The following KCNQ5 variants were observed in gnomAD, a reference collection of about 807,000 sequenced individuals.
KCNQ5 encodes potassium voltage-gated channel subfamily Q member 5.
A neutral mutation model predicts 98.2 loss-of-function variants in KCNQ5; 30 were observed. That is an observed-to-expected ratio of 0.31 (90% CI 0.23 to 0.41). The LOEUF (loss-of-function observed/expected upper bound fraction) is 0.41. KCNQ5 is among the 10% of genes least tolerant of loss of function. KCNQ5 has a pLI of 1.00. For missense variants in KCNQ5, 835 were observed against 1,182.5 expected (o/e 0.71, Z 4.31); for synonymous variants, 458 against 449.4 (o/e 1.02, Z -0.24).
At chr6:72,792,667 C>T (rs1016458421) in intron 1 of KCNQ5, among the ~76,000 whole-genome samples, 9 of 152,124 alleles carry the variant, frequency 5.9e-5, no homozygotes, top group Non-Finnish European at 4.4e-5. Context: ...GTATAATAAC[C>T]AGGAAAGCGT....
chr6:72,837,515 T>A (rs989860038), intron 1 of KCNQ5, among the ~76,000 whole-genome samples: 4 of 152,202 alleles, frequency 2.6e-5, no homozygotes, highest in Non-Finnish European at 4.4e-5. Flanking sequence ...TTGTGAATAT[T>A]GACCTTTCAG....
chr6:72,952,895 A>G (rs1442958736), intron 1 of KCNQ5, among the ~76,000 whole-genome samples: 1 of 152,230 alleles, frequency 6.6e-6, no homozygotes, highest in Admixed American at 6.5e-5. Context: ...ACTTAAAAGT[A>G]ATAAACTCAT....
At chr6:73,134,078 C>A in intron 10 of KCNQ5, 1 of 447,202 alleles carries the variant, frequency 2.2e-6, no homozygotes, top group Non-Finnish European at 4.6e-6. Context: ...AATGAAGGTG[C>A]TCTTTCCCTC....
intron 1 of KCNQ5, among the ~76,000 whole-genome samples, chr6:72,715,897 T>C (rs987852653): frequency 6.6e-6 from 1 of 152,176 alleles, no homozygotes; most frequent in Non-Finnish European, 1.5e-5. Flanking sequence ...GTTATGTATA[T>C]CAAAATTCAA....
intron 10 of KCNQ5, among the ~76,000 whole-genome samples, chr6:73,153,904 T>TAAAA (rs3068405): frequency 5.4e-5 from 8 of 147,618 alleles, no homozygotes; most frequent in Admixed American, 6.7e-5. Flanking sequence ...TCAATTCCAC[T>TAAAA]AAAAAAAAAA....
intron 1 of KCNQ5, among the ~76,000 whole-genome samples, chr6:72,971,169 T>C (rs576227287): frequency 1.3e-5 from 2 of 152,122 alleles, no homozygotes; most frequent in African/African-American, 4.8e-5. Flanking sequence ...AACAACCCCA[T>C]CAACATGTGG....
rs74353642 is a variant in KCNQ5 at position 73,158,924 on chromosome 6, C to T, written c.1469-10822C>T. ...AAATGCTATAATTTACTATAATTTGCAGTTTTCTACTTTAGGGCATTGAAA... is the reference window on the plus strand; with the variant it reads ...AAATGCTATAATTTACTATAATTTGTAGTTTTCTACTTTAGGGCATTGAAA... On this transcript the variant is annotated intron_variant, in intron 10 of 13. Coordinates refer to ENST00000370398, the MANE Select transcript of KCNQ5 (RefSeq NM_019842.4). Among the ~76,000 whole-genome samples, 119 of 152,276 alleles carry T rather than the reference C, an allele frequency of 7.8e-4. 8 individuals carry two copies. The East Asian group carries it at 0.022, about 29-fold the overall frequency.
Position 73,015,912 on chromosome 6 carries a change from A to G in KCNQ5, c.489+11914A>G, listed in dbSNP as rs550143291. On this transcript the variant is annotated intron_variant, in intron 2 of 13. Coordinates refer to ENST00000370398, the MANE Select transcript of KCNQ5 (RefSeq NM_019842.4). ...AACTTTCTTTCCTCTAACTTTCCTC[A>G]GTCCTGTCTACTTGACATTGTATCT... 3.3e-5 allele frequency among the ~76,000 whole-genome samples: 5 copies of G among 152,220 alleles called. No homozygotes were observed. In the East Asian group the frequency reaches 7.7e-4, roughly 23 times the overall value.
In KCNQ5 at chr6:72,760,502, G is replaced by A. The variant is rs114079857; in HGVS notation, c.398+137915G>A. The stretch of plus-strand genomic sequence containing the variant: ...TGTGCACGTGTGCACTTGTTTGTGC[G>A]TAGCCTGTGCATGGGGTGAGGGGGT... On this transcript the variant is annotated intron_variant, in intron 1 of 13. Transcript: ENST00000370398. Among the ~76,000 whole-genome samples the A allele has an allele frequency of 8.5e-3, 1,289 of 151,752 alleles. 12 individuals carry two copies. The highest frequency in any genetic ancestry group is 0.03 in the African/African-American group (1,225 of 41,370).
chr6:72,696,176 C>T (rs931015347), intron 1 of KCNQ5, among the ~76,000 whole-genome samples: 7 of 151,968 alleles, frequency 4.6e-5, no homozygotes, highest in African/African-American at 7.3e-5. Flanking sequence ...AAAGGTTGTT[C>T]GCAGCAATGG....
intron 10 of KCNQ5, chr6:73,133,944 G>A (rs1562198703): frequency 1.9e-6 from 1 of 518,912 alleles, no homozygotes; most frequent in Non-Finnish European, 3.9e-6. Flanking sequence ...TAAGATCAAT[G>A]GGACTGTCAT....
intron 1 of KCNQ5, among the ~76,000 whole-genome samples, chr6:72,670,661 A>G (rs1168115545): frequency 6.6e-6 from 1 of 152,198 alleles, no homozygotes. Flanking sequence ...GGTGCCAGCC[A>G]GTTCGGTTCT....
At chr6:72,961,819 G>C (rs1047581266) in intron 1 of KCNQ5, among the ~76,000 whole-genome samples, 2 of 151,954 alleles carry the variant, frequency 1.3e-5, no homozygotes, top group Admixed American at 6.6e-5. Context: ...AGAACAGAGA[G>C]ATTATATCTG....
chr6:72,696,606 G>T (rs1220758401), intron 1 of KCNQ5, among the ~76,000 whole-genome samples: 2 of 151,646 alleles, frequency 1.3e-5, no homozygotes, highest in African/African-American at 4.9e-5. Flanking sequence ...TCTCTTAGTG[G>T]GCCACAATCA....
intron 1 of KCNQ5, among the ~76,000 whole-genome samples, chr6:72,740,192 C>A (rs1027965095): frequency 1.3e-5 from 2 of 152,114 alleles, no homozygotes; most frequent in African/African-American, 2.4e-5. Flanking sequence ...ATCTTCAGTT[C>A]AAAAATATTT....
chr6:73,015,589 A>G (rs1770295726), intron 2 of KCNQ5, among the ~76,000 whole-genome samples: 1 of 152,070 alleles, frequency 6.6e-6, no homozygotes, highest in Non-Finnish European at 1.5e-5. Context: ...ACTCTGTACA[A>G]CTTTGTTTCA....
chr6:72,816,829 G>C (rs1775527083), intron 1 of KCNQ5, among the ~76,000 whole-genome samples: 1 of 152,142 alleles, frequency 6.6e-6, no homozygotes, highest in Non-Finnish European at 1.5e-5. Flanking sequence ...TATCAGAGAA[G>C]TAGACTGAGT....
intron 1 of KCNQ5, among the ~76,000 whole-genome samples, chr6:72,629,017 G>A (rs1159373872): frequency 6.6e-6 from 1 of 152,048 alleles, no homozygotes; most frequent in Non-Finnish European, 1.5e-5. Flanking sequence ...TTCTTTAAAG[G>A]CAGGGGTTTC....
At chr6:72,771,282 C>T (rs2154477436) in intron 1 of KCNQ5, among the ~76,000 whole-genome samples, 1 of 152,074 alleles carries the variant, frequency 6.6e-6, no homozygotes, top group South Asian at 2.1e-4. Context: ...TCCATTTATT[C>T]CAACTTATGA....
Sources: gnomAD v4.1 joint callset for allele counts (sites outside exome capture counted in the v4.1 genomes callset) on GRCh38, gnomAD v4.1.1 for gene constraint, MANE v1.5 for transcripts, NCBI Gene and HGNC (gene_info 2026-07-23, HGNC 2026-07-21) for gene names.